The following STT3B variants were observed in gnomAD, a reference collection of about 807,000 sequenced individuals.
STT3B encodes STT3 oligosaccharyltransferase complex catalytic subunit B.
In STT3B, 29 loss-of-function variants were observed where a neutral mutation model predicts 96.8. That is an observed-to-expected ratio of 0.30 (90% CI 0.22 to 0.41). The LOEUF (loss-of-function observed/expected upper bound fraction) is 0.41. Among genes scored for constraint, STT3B ranks in the 10% least tolerant of loss-of-function variants. STT3B has a pLI of 1.00. For synonymous variants in STT3B, 367 were observed against 360.0 expected (o/e 1.02, Z -0.22); for missense variants, 640 against 1,022.3 (o/e 0.63, Z 5.10).
intron 1 of STT3B, among the ~76,000 whole-genome samples, chr3:31,554,841 A>G (rs1445150769): frequency 6.6e-6 from 1 of 152,142 alleles, no homozygotes; most frequent in Non-Finnish European, 1.5e-5. Flanking sequence ...GGTTTTGCCA[A>G]CTTTAAGAAA....
Position 31,636,114 on chromosome 3 carries a change from G to A in STT3B, c.*50G>A. 1 of 1,409,030 alleles carries A rather than the reference G, an allele frequency of 7.1e-7. No individual in the cohort carries two copies. The highest frequency in any genetic ancestry group is 9.7e-7 in the Non-Finnish European group (1 of 1,026,824). The allele number at this position is 1,409,030 out of a possible 1,614,324, so 87.3% of individuals were successfully genotyped here. A position where few individuals can be genotyped will look rare whatever the true frequency, so the allele number is the denominator to read the frequency against. ...GAAGCAGTTGTCCTTGTGAGAACCG[G>A]TCTTTGCCTTTAGCTCATGTCGTGT... is the stretch of plus-strand genomic sequence containing the variant. On this transcript the variant is annotated 3_prime_UTR_variant, in exon 16 of 16. Coordinates refer to ENST00000295770, the MANE Select transcript of STT3B (RefSeq NM_178862.3).
At chr3:31,579,658 T>C (rs1340617721) in intron 2 of STT3B, 151 bp from the exon 3 acceptor site, 1 of 595,404 alleles carries the variant, frequency 1.7e-6, no homozygotes, top group Admixed American at 3.5e-5. Flanking sequence ...TGTGGGTTTT[T>C]TTTTGTAGTT....
Position 31,629,141 on chromosome 3 carries a change from C to T in STT3B, c.2074-157C>T, listed in dbSNP as rs559800383. 1.0e-4 allele frequency: 60 copies of T among 587,072 alleles called. 1 individual carries two copies. The highest frequency in any genetic ancestry group is 9.0e-4 in the South Asian group (43 of 47,520). The allele number at this position is 587,072 out of a possible 1,614,324, so 36.4% of individuals were successfully genotyped here. A position where few individuals can be genotyped will look rare whatever the true frequency, so the allele number is the denominator to read the frequency against. On this transcript the variant is annotated intron_variant, in intron 13 of 15. Transcript: ENST00000295770. ...ATTATTAAGGCCTTATAACATGGTT[C>T]GAAGTCTGGTGGGATTAATTTTTTT...
At chr3:31,617,256 G>A (rs552493850) in intron 7 of STT3B, among the ~76,000 whole-genome samples, 181 bp downstream of exon 7, 34 of 140,122 alleles carry the variant, frequency 2.4e-4, no homozygotes, top group Non-Finnish European at 4.7e-4. Flanking sequence ...ACTTTTAAGC[G>A]TCCTTCTCTT....
At chr3:31,594,446 T>TTTG (rs1698740425) in intron 3 of STT3B, among the ~76,000 whole-genome samples, 1 of 151,958 alleles carries the variant, frequency 6.6e-6, no homozygotes, top group African/African-American at 2.4e-5. Flanking sequence ...GTTTTTTTTT[T>TTTG]TTTGGATGGA....
intron 14 of STT3B, among the ~76,000 whole-genome samples, chr3:31,630,581 T>G (rs1359417107): frequency 3.3e-5 from 5 of 152,228 alleles, no homozygotes; most frequent in African/African-American, 1.2e-4. Context: ...TCCTTTGTTA[T>G]AAGTGTCTGT....
chr3:31,617,127 G>A, intron 7 of STT3B, 52 bp downstream of exon 7: 1 of 1,312,044 alleles, frequency 7.6e-7, no homozygotes. Context: ...AACAATATAA[G>A]AAAAATAGCC....
intron 3 of STT3B, among the ~76,000 whole-genome samples, chr3:31,581,882 C>T (rs1309371132): frequency 6.6e-6 from 1 of 152,166 alleles, no homozygotes; most frequent in African/African-American, 2.4e-5. Context: ...TGCAAGTTGT[C>T]TCTGCAGATT....
intron 3 of STT3B, among the ~76,000 whole-genome samples, chr3:31,585,076 T>C (rs1317251216): frequency 6.6e-6 from 1 of 152,162 alleles, no homozygotes; most frequent in Non-Finnish European, 1.5e-5. Flanking sequence ...ACCAACTCTT[T>C]TAAAAGGTAC....
At chr3:31,587,443 T>C (rs1698567235) in intron 3 of STT3B, among the ~76,000 whole-genome samples, 1 of 152,024 alleles carries the variant, frequency 6.6e-6, no homozygotes, top group African/African-American at 2.4e-5. Flanking sequence ...GGGTTCTCCT[T>C]ATATTGCTCA....
At chr3:31,628,612 T>A (rs1003163066) in intron 13 of STT3B, among the ~76,000 whole-genome samples, 2 of 152,162 alleles carry the variant, frequency 1.3e-5, no homozygotes, top group Non-Finnish European at 2.9e-5. Context: ...CTCATAGAGG[T>A]TAATTTATAA....
rs115844204 is a variant in STT3B, at chr3:31,579,600, T to C, written c.424-209T>C. Among the ~76,000 whole-genome samples the C allele has an allele frequency of 5.6e-3, 848 of 151,966 alleles. 10 individuals carry two copies. Among genetic ancestry groups the C allele is most frequent in the African/African-American group, 0.019 (789 of 41,506 alleles). The stretch of plus-strand genomic sequence containing the variant: ...TTTCATATTCTCCCTGATCTTTTTA[T>C]GTATTCCTCCAGATATGAGCTAGTT... On this transcript the variant is annotated intron_variant, in intron 2 of 15. Transcript: ENST00000295770.
At chr3:31,584,893 T>A (rs1463258952) in intron 3 of STT3B, among the ~76,000 whole-genome samples, 5 of 152,090 alleles carry the variant, frequency 3.3e-5, no homozygotes, top group Admixed American at 3.3e-4. Flanking sequence ...ATGATGACAT[T>A]CATTTAAAAT....
At chr3:31,612,590 A>G (rs577686925) in intron 5 of STT3B, among the ~76,000 whole-genome samples, 4 of 152,280 alleles carry the variant, frequency 2.6e-5, no homozygotes, top group African/African-American at 7.2e-5. Context: ...TGAACTCTCC[A>G]TCACTCTTAT....
intron 3 of STT3B, among the ~76,000 whole-genome samples, chr3:31,593,233 G>A (rs1430474745): frequency 6.6e-6 from 1 of 152,116 alleles, no homozygotes; most frequent in Non-Finnish European, 1.5e-5. Flanking sequence ...CTCTTTCATT[G>A]AACACTTGAT....
chr3:31,618,211 G>C (rs770001940), intron 8 of STT3B, among the ~76,000 whole-genome samples: 2 of 151,876 alleles, frequency 1.3e-5, no homozygotes, highest in Non-Finnish European at 2.9e-5. Flanking sequence ...TGTTCTGCAT[G>C]GGCAACTCCT....
At chr3:31,552,847 T>C (rs990964857) in intron 1 of STT3B, among the ~76,000 whole-genome samples, 15 of 152,120 alleles carry the variant, frequency 9.9e-5, no homozygotes, top group Admixed American at 8.5e-4. Flanking sequence ...CTCACGCCTG[T>C]AATCCCAGCA....
intron 1 of STT3B, among the ~76,000 whole-genome samples, chr3:31,574,024 C>T (rs1407333485): frequency 6.6e-6 from 1 of 152,068 alleles, no homozygotes; most frequent in African/African-American, 2.4e-5. Context: ...AAATACTTGT[C>T]AGGAAAACTT....
At chr3:31,613,667 CT>C (rs58099043) in intron 5 of STT3B, among the ~76,000 whole-genome samples, 138,826 of 150,972 alleles carry the variant, frequency 0.92, 63,989 homozygotes, top group East Asian at 0.96. Context: ...ATGCATGGTT[CT>C]TTTTTTTTTC....
Sources: allele counts gnomAD v4.1 joint callset (sites outside exome capture counted in the v4.1 genomes callset), GRCh38; gene constraint gnomAD v4.1.1; transcripts MANE v1.5; gene names NCBI Gene and HGNC (gene_info 2026-07-23, HGNC 2026-07-21).